TMTC2: variants seen among roughly 807,000 people sequenced by gnomAD.
TMTC2 encodes the protein transmembrane O-mannosyltransferase targeting cadherins 2.
Under a neutral mutation model 82.4 loss-of-function variants are expected in TMTC2, and 43 were observed. The ratio of observed to expected loss-of-function variants is 0.52; its 90% CI spans 0.41 to 0.67. The LOEUF (loss-of-function observed/expected upper bound fraction) is 0.67, where lower values mean the gene tolerates loss of function less well. Ranked by LOEUF, TMTC2 falls within the 30% of genes least tolerant of loss-of-function variation. The pLI is 0.00. For synonymous variants in TMTC2, 408 were observed against 381.9 expected, an observed-to-expected ratio of 1.07 and a Z score of -0.80; for missense variants, 919 against 1,012.4, an observed-to-expected ratio of 0.91 and a Z score of 1.25.
chr12:83,050,888 T>C lies in TMTC2; in HGVS notation c.2153-16T>C, dbSNP rs453715. 1.9e-6 allele frequency: 3 copies of C among 1,590,446 alleles called. No individual in the cohort carries two copies. The African/African-American group carries it at 4.1e-5, about 22-fold the overall frequency. The stretch of plus-strand genomic sequence containing the variant: ...GATTTTCTGAGTTGAAGCTCACTGG[T>C]TTTTATACTTTTCAGGTCAGTTTCT... On this transcript the variant is annotated splice_polypyrimidine_tract_variant and intron_variant, in intron 9 of 11. Coordinates refer to ENST00000321196, the MANE Select transcript of TMTC2 (RefSeq NM_152588.3).
rs916984810 is a variant in TMTC2, at chr12:82,687,799, C to G, written c.83+130C>G. ...TCAGCACCTGATGGTTTAGGCGACACGTAAACATTAACACCTAAATCAAAC... is the reference window on the plus strand; with the variant it reads ...TCAGCACCTGATGGTTTAGGCGACAGGTAAACATTAACACCTAAATCAAAC... On this transcript the variant is annotated intron_variant, in intron 1 of 11. Coordinates refer to ENST00000321196, the MANE Select transcript of TMTC2 (RefSeq NM_152588.3). The G allele has an allele frequency of 1.2e-6, 1 of 866,124 alleles. No homozygotes were observed. The highest frequency in any genetic ancestry group is 1.8e-6 in the Non-Finnish European group (1 of 560,480). The allele number at this position is 866,124 out of a possible 1,614,324, so 53.7% of individuals were successfully genotyped here.
chr12:82,716,286 C>CATTATGCT lies in TMTC2; in HGVS notation c.83+28622_83+28629dup, dbSNP rs1370645559. Among the ~76,000 whole-genome samples the CATTATGCT allele has an allele frequency of 2.0e-5, 3 of 151,534 alleles. No homozygotes were observed. The East Asian group carries it at 5.8e-4, about 29-fold the overall frequency. ...GCTTGCTGGTAGCAGAATTAAAAAT[C>CATTATGCT]ATTATGCTATTACCAGTCAGTGGAC... On this transcript the variant is annotated intron_variant, in intron 1 of 11. Coordinates refer to ENST00000321196, the MANE Select transcript of TMTC2 (RefSeq NM_152588.3).
intron 8 of TMTC2, among the ~76,000 whole-genome samples, chr12:83,018,501 C>T (rs1313814279): frequency 1.3e-5 from 2 of 152,158 alleles, no homozygotes; most frequent in African/African-American, 4.8e-5. Context: ...GGAGTCATGG[C>T]TAATAGCTAA....
chr12:83,010,536 G>T (rs1880408717), intron 8 of TMTC2, among the ~76,000 whole-genome samples: 1 of 152,062 alleles, frequency 6.6e-6, no homozygotes, highest in Admixed American at 6.5e-5. Context: ...GATTTTAGCT[G>T]GTCAGGGAGA....
At chr12:83,072,227 G>T (rs1883144369) in intron 11 of TMTC2, among the ~76,000 whole-genome samples, 1 of 152,098 alleles carries the variant, frequency 6.6e-6, no homozygotes, top group Non-Finnish European at 1.5e-5. Context: ...TCAGTTCAAA[G>T]AATTTTTAAA....
intron 7 of TMTC2, among the ~76,000 whole-genome samples, chr12:82,981,858 C>T (rs982079048): frequency 6.6e-6 from 1 of 151,840 alleles, no homozygotes; most frequent in African/African-American, 2.4e-5. Context: ...ATATACCACT[C>T]TGTCCTAAAA....
chr12:82,808,344 T>A (rs1470907879), intron 1 of TMTC2, among the ~76,000 whole-genome samples: 1 of 152,010 alleles, frequency 6.6e-6, no homozygotes, highest in East Asian at 1.9e-4. Flanking sequence ...ATAGACAGTA[T>A]AATTTTATTT....
chr12:82,925,622 C>T (rs534044911), intron 3 of TMTC2, among the ~76,000 whole-genome samples: 1 of 152,192 alleles, frequency 6.6e-6, no homozygotes, highest in East Asian at 1.9e-4. Context: ...TTTGGCAATT[C>T]TCACAATATA....
intron 11 of TMTC2, among the ~76,000 whole-genome samples, chr12:83,080,519 C>A (rs759900491): frequency 1.6e-4 from 24 of 151,932 alleles, no homozygotes; most frequent in Middle Eastern, 3.2e-3. Flanking sequence ...GCATCTGCAC[C>A]GATTAAACAT....
At chr12:82,930,658 C>T in intron 4 of TMTC2, 113 bp downstream of exon 4, 1 of 594,822 alleles carries the variant, frequency 1.7e-6, no homozygotes, top group Non-Finnish European at 2.9e-6. Flanking sequence ...CTGAAATAGT[C>T]TTTTTGTTAA....
intron 2 of TMTC2, among the ~76,000 whole-genome samples, chr12:82,872,205 A>C (rs766635771): frequency 1.6e-4 from 24 of 152,136 alleles, no homozygotes; most frequent in Non-Finnish European, 3.2e-4. Flanking sequence ...TCTGTCCCAG[A>C]AGGGAAATGG....
intron 1 of TMTC2, among the ~76,000 whole-genome samples, chr12:82,767,641 T>G (rs1009073796): frequency 2.0e-5 from 3 of 152,144 alleles, no homozygotes; most frequent in African/African-American, 7.2e-5. Flanking sequence ...TTTTTATTAA[T>G]TTTGTCCTTT....
chr12:83,082,573 A>G (rs1425750254), intron 11 of TMTC2, among the ~76,000 whole-genome samples: 1 of 152,200 alleles, frequency 6.6e-6, no homozygotes, highest in Non-Finnish European at 1.5e-5. Flanking sequence ...ATTTTCAGTA[A>G]TAGCCATAGG....
At chr12:82,840,980 A>G (rs1169112059) in intron 1 of TMTC2, among the ~76,000 whole-genome samples, 1 of 152,046 alleles carries the variant, frequency 6.6e-6, no homozygotes, top group South Asian at 2.1e-4. Context: ...GGATTTCACT[A>G]TGTTGGCCAG....
chr12:82,990,348 CT>C (rs1324281653), intron 8 of TMTC2, among the ~76,000 whole-genome samples: 1 of 152,012 alleles, frequency 6.6e-6, no homozygotes, highest in Non-Finnish European at 1.5e-5. Context: ...TCACTCAGTA[CT>C]TTTTTTAAAG....
chr12:82,719,085 A>ATATTTTTTTT (rs1282211374), intron 1 of TMTC2, among the ~76,000 whole-genome samples: 3 of 41,406 alleles, frequency 7.2e-5, no homozygotes, highest in African/African-American at 2.3e-4. Flanking sequence ...ATATATATAT[A>ATATTTTTTTT]TTTTTTTTTT....
chr12:82,966,740 T>C (rs908237440), intron 6 of TMTC2, among the ~76,000 whole-genome samples, 179 bp from the exon 7 acceptor site: 1 of 152,190 alleles, frequency 6.6e-6, no homozygotes, highest in African/African-American at 2.4e-5. Flanking sequence ...CTGAGTGTTT[T>C]CATTGGTGGA....
At chr12:82,986,311 T>A (rs1436256355) in intron 8 of TMTC2, 1 of 389,652 alleles carries the variant, frequency 2.6e-6, no homozygotes, top group Non-Finnish European at 4.8e-6. Flanking sequence ...CATCTTGGTC[T>A]AGATAAGATG....
intron 8 of TMTC2, among the ~76,000 whole-genome samples, chr12:83,013,796 T>C (rs997523597): frequency 2.0e-5 from 3 of 152,242 alleles, no homozygotes; most frequent in African/African-American, 7.2e-5. Flanking sequence ...TCATAGCAGC[T>C]TGAGCCCTGC....
Sources: allele counts gnomAD v4.1 joint callset (sites outside exome capture counted in the v4.1 genomes callset), GRCh38; gene constraint gnomAD v4.1.1; transcripts MANE v1.5; gene names NCBI Gene and HGNC (gene_info 2026-07-23, HGNC 2026-07-21).